The following MAST2 variants were observed in gnomAD, a reference collection of about 807,000 sequenced individuals.
MAST2 encodes the protein microtubule-associated serine/threonine-protein kinase 2.
Under a neutral mutation model 147.4 loss-of-function variants are expected in MAST2, and 70 were observed. The observed-to-expected ratio is 0.47, with a 90% CI of 0.39 to 0.58. The LOEUF is 0.58. MAST2 is among the 20% of genes least tolerant of loss of function. The pLI is 0.00. For missense variants in MAST2, 2,080 were observed against 2,302.3 expected, an observed-to-expected ratio of 0.90 and a Z score of 1.98; for synonymous variants, 869 against 896.8, an observed-to-expected ratio of 0.97 and a Z score of 0.55.
At chr1:45,832,402 G>A (rs1210737352) in intron 3 of MAST2, among the ~76,000 whole-genome samples, 1 of 151,384 alleles carries the variant, frequency 6.6e-6, no homozygotes, top group East Asian at 2.0e-4. Context: ...CTGGGTTCAA[G>A]TAATTCTCAT....
chr1:45,981,599 C>G (rs1294656863), intron 5 of MAST2, among the ~76,000 whole-genome samples: 3 of 152,148 alleles, frequency 2.0e-5, no homozygotes, highest in South Asian at 4.1e-4. Context: ...ATTTTCCCAG[C>G]AGGAGCTGTT....
intron 5 of MAST2, among the ~76,000 whole-genome samples, chr1:45,973,659 T>G (rs764721888): frequency 6.6e-6 from 1 of 152,190 alleles, no homozygotes; most frequent in Non-Finnish European, 1.5e-5. Context: ...GACTGAACCC[T>G]GGGACATTCC....
chr1:45,804,359 G>T (rs1054526147), intron 1 of MAST2, among the ~76,000 whole-genome samples: 1 of 152,176 alleles, frequency 6.6e-6, no homozygotes, highest in Non-Finnish European at 1.5e-5. Context: ...GAGTGTGTGA[G>T]CTGCAACGAG....
In MAST2 at chr1:45,815,460, G is replaced by C. The variant is rs78946735; in HGVS notation, c.178-8973G>C. The stretch of plus-strand genomic sequence containing the variant: ...GCTGGGATTACAGGTGTGAGCCACC[G>C]TGACTGGTCAGACTTTCTATCTGTT... On this transcript the variant is annotated intron_variant, in intron 1 of 28. Coordinates refer to ENST00000361297, the MANE Select transcript of MAST2 (RefSeq NM_015112.3). Among the ~76,000 whole-genome samples, 88 of 152,206 alleles carry C rather than the reference G, an allele frequency of 5.8e-4. No individual in the cohort carries two copies. In the East Asian group the frequency reaches 0.013, roughly 23 times the overall value.
rs147970790 is a variant in MAST2 at position 45,938,479 on chromosome 1, A to G, written c.501-20907A>G. Among the ~76,000 whole-genome samples the G allele has an allele frequency of 7.6e-3, 1,161 of 152,144 alleles. 7 individuals are homozygous for G. Among genetic ancestry groups the G allele is most frequent in the Middle Eastern group, 0.051 (15 of 294 alleles). ...ACTGGGACCACAGGTGCACACCACC[A>G]TACCCAGCTAATTATTATTTTTTTA... On this transcript the variant is annotated intron_variant, in intron 4 of 28. Transcript: ENST00000361297.
intron 4 of MAST2, among the ~76,000 whole-genome samples, chr1:45,897,516 G>GA (rs1185043564): frequency 6.6e-6 from 1 of 152,106 alleles, no homozygotes; most frequent in East Asian, 1.9e-4. Context: ...GGGGAGGAAA[G>GA]AAAAAACTAT....
chr1:46,030,071 G>A, intron 20 of MAST2, 58 bp from the exon 21 acceptor site: 1 of 1,606,748 alleles, frequency 6.2e-7, no homozygotes, highest in Non-Finnish European at 8.5e-7. Context: ...ATCTAATGGG[G>A]TCACAAGGAG....
chr1:45,917,382 T>G (rs867132861), intron 4 of MAST2: 1 of 1,366,538 alleles, frequency 7.3e-7, no homozygotes, highest in African/African-American at 1.5e-5. Context: ...CCAGCACATG[T>G]TTTCACCCAC....
intron 4 of MAST2, among the ~76,000 whole-genome samples, chr1:45,904,769 A>G (rs1440932547): frequency 6.6e-6 from 1 of 151,776 alleles, no homozygotes; most frequent in South Asian, 2.1e-4. Context: ...CCCAACCCAG[A>G]CTGTCATTTT....
rs560943798 is a variant in MAST2 at position 46,023,552 on chromosome 1, G to C, written c.1572-220G>C. 1.6e-6 allele frequency: 1 copy of C among 619,858 alleles called. No individual in the cohort carries two copies. Among genetic ancestry groups the C allele is most frequent in the Admixed American group, 2.9e-5 (1 of 34,402 alleles). The allele number at this position is 619,858 out of a possible 1,614,324, so 38.4% of individuals were successfully genotyped here. ...CTACCACGCATCCTCCATTCCCTGAGCTCTGGGGAAGCATTGAGCCGTGTC... is the reference window on the plus strand; with the variant it reads ...CTACCACGCATCCTCCATTCCCTGACCTCTGGGGAAGCATTGAGCCGTGTC... On this transcript the variant is annotated intron_variant, in intron 14 of 28. Transcript: ENST00000361297. The surrounding 1 kb of genome is among the most constrained non-coding windows in gnomAD (Gnocchi z 4.9).
At chr1:45,904,532 A>G (rs1300573220) in intron 4 of MAST2, among the ~76,000 whole-genome samples, 1 of 151,280 alleles carries the variant, frequency 6.6e-6, no homozygotes, top group East Asian at 2.0e-4. Flanking sequence ...CATTCGCGCA[A>G]TCACAGCTCA....
chr1:45,972,925 C>T (rs1643976204), intron 5 of MAST2, among the ~76,000 whole-genome samples: 1 of 152,204 alleles, frequency 6.6e-6, no homozygotes, highest in African/African-American at 2.4e-5. Flanking sequence ...ACCCTTTTCT[C>T]ATAATCTCAA....
intron 1 of MAST2, among the ~76,000 whole-genome samples, chr1:45,820,789 T>C (rs923263570): frequency 6.6e-6 from 1 of 151,760 alleles, no homozygotes; most frequent in African/African-American, 2.4e-5. Flanking sequence ...AGATGCCTTT[T>C]AGGATTTGAT....
In MAST2 at chr1:45,968,589, A is replaced by G. The variant is rs1023534559; in HGVS notation, c.592+9112A>G. ...AATTCTTGTCTTCGCTCCTCTGAAG[A>G]TAAGGTGTTTTTTCCCTCTGGCTTC... On this transcript the variant is annotated intron_variant, in intron 5 of 28. Coordinates refer to ENST00000361297, the MANE Select transcript of MAST2 (RefSeq NM_015112.3). Among the ~76,000 whole-genome samples the G allele has an allele frequency of 2.6e-5, 4 of 151,706 alleles. No homozygotes were observed. The East Asian group carries it at 5.8e-4, about 22-fold the overall frequency.
At chr1:45,816,928 C>T (rs1408350257) in intron 1 of MAST2, among the ~76,000 whole-genome samples, 5 of 152,172 alleles carry the variant, frequency 3.3e-5, no homozygotes, top group African/African-American at 9.7e-5. Context: ...CCACCTGCCT[C>T]GGCTTCCCAA....
intron 6 of MAST2, among the ~76,000 whole-genome samples, chr1:46,001,413 A>G (rs147541195): frequency 0.013 from 1,999 of 152,342 alleles, 17 homozygotes; most frequent in Non-Finnish European, 0.019. Context: ...GAAAACTCAC[A>G]TGTACAAAAG....
chr1:45,868,455 T>C (rs1305819848), intron 3 of MAST2, among the ~76,000 whole-genome samples: 2 of 152,210 alleles, frequency 1.3e-5, no homozygotes, highest in East Asian at 3.8e-4. Flanking sequence ...GGTTCTGAAT[T>C]GAAAATATTT....
chr1:45,810,252 C>A (rs1644251125), intron 1 of MAST2, among the ~76,000 whole-genome samples: 1 of 152,144 alleles, frequency 6.6e-6, no homozygotes, highest in South Asian at 2.1e-4. Flanking sequence ...AAGATGAGTT[C>A]AACTTTAGTT....
chr1:45,827,605 G>T (rs913633946), intron 2 of MAST2, among the ~76,000 whole-genome samples: 5 of 152,068 alleles, frequency 3.3e-5, no homozygotes, highest in Non-Finnish European at 1.5e-5. Context: ...AGGCAGGCAG[G>T]CTCTACTCTG....
Sources: gnomAD v4.1 joint callset for allele counts (sites outside exome capture counted in the v4.1 genomes callset) on GRCh38, gnomAD v4.1.1 for gene constraint, Gnocchi (gnomAD v3.1) non-coding constraint, MANE v1.5 for transcripts, NCBI Gene and HGNC (gene_info 2026-07-23, HGNC 2026-07-21) for gene names.